The following CAMK4 variants were observed in gnomAD, a reference collection of about 807,000 sequenced individuals.
The protein encoded by CAMK4 is calcium/calmodulin-dependent protein kinase type IV.
CAMK4 carries 22 observed loss-of-function variants against 44.9 expected under a neutral mutation model. That is an observed-to-expected ratio of 0.49 (90% CI 0.35 to 0.70). The LOEUF is 0.70. Ranked by LOEUF, CAMK4 falls within the 30% of genes least tolerant of loss-of-function variation. The pLI is 0.01. For missense variants in CAMK4, 498 were observed against 586.8 expected (o/e 0.85, Z 1.56); for synonymous variants, 218 against 215.4 (o/e 1.01, Z -0.11).
chr5:111,435,049 TAGAG>T (rs1319545211), intron 5 of CAMK4, among the ~76,000 whole-genome samples: 1 of 152,180 alleles, frequency 6.6e-6, no homozygotes, highest in South Asian at 2.1e-4. Flanking sequence ...TGTTAGACCG[TAGAG>T]AGAGTTTAAT....
intron 5 of CAMK4, among the ~76,000 whole-genome samples, chr5:111,430,823 G>T (rs999111935): frequency 1.3e-5 from 2 of 151,948 alleles, no homozygotes; most frequent in Non-Finnish European, 2.9e-5. Context: ...AAATGGAAAA[G>T]TATTTCAAGT....
At chr5:111,344,654 C>T (rs1382696794) in intron 2 of CAMK4, among the ~76,000 whole-genome samples, 3 of 151,640 alleles carry the variant, frequency 2.0e-5, no homozygotes, top group South Asian at 2.1e-4. Context: ...TGAACCTGCT[C>T]ATCTAGAAGT....
At position 111,351,644 on chromosome 5, in the gene CAMK4, T is replaced by C. The variant is rs1372753397; in HGVS notation, c.240+7542T>C. On this transcript the variant is annotated intron_variant, in intron 2 of 10. Transcript: ENST00000282356. ...CCAGACTGGTCTCGAACTCCTGACC[T>C]CAGGTGATCCACCTGCCTCGGCCTC... 2.6e-5 allele frequency among the ~76,000 whole-genome samples: 4 copies of C among 151,320 alleles called. No homozygotes were observed. In the East Asian group the frequency reaches 7.8e-4, roughly 30 times the overall value.
intron 1 of CAMK4, among the ~76,000 whole-genome samples, chr5:111,335,881 C>T (rs565131358): frequency 3.3e-5 from 5 of 150,946 alleles, no homozygotes; most frequent in African/African-American, 1.2e-4. Context: ...TTTACAAACA[C>T]ATTACAGGTT....
At chr5:111,478,729 A>G (rs1224444163) in intron 9 of CAMK4, among the ~76,000 whole-genome samples, 1 of 152,212 alleles carries the variant, frequency 6.6e-6, no homozygotes, top group Non-Finnish European at 1.5e-5. Flanking sequence ...AACTACAATT[A>G]CTACAGTATT....
Position 111,300,768 on chromosome 5 carries a change from G to A in CAMK4, c.162-43256G>A, listed in dbSNP as rs574257519. On this transcript the variant is annotated intron_variant, in intron 1 of 10. Transcript: ENST00000282356. Reference sequence around the variant, plus strand: ...AAAAAGTATGGAATTGTAATTGTTGGAATTAAAAGCAAATGAAGTTATTTT... The same window carrying A: ...AAAAAGTATGGAATTGTAATTGTTGAAATTAAAAGCAAATGAAGTTATTTT... 1.3e-3 allele frequency among the ~76,000 whole-genome samples: 197 copies of A among 152,146 alleles called. 2 individuals carry two copies. Among genetic ancestry groups the A allele is most frequent in the Middle Eastern group, 3.4e-3 (1 of 294 alleles).
At chr5:111,446,436 T>C (rs1754030266) in intron 5 of CAMK4, among the ~76,000 whole-genome samples, 1 of 152,236 alleles carries the variant, frequency 6.6e-6, no homozygotes, top group Non-Finnish European at 1.5e-5. Context: ...TAATATTAGC[T>C]GAGGAGTAAA....
chr5:111,466,247 C>T (rs955711194), intron 7 of CAMK4, among the ~76,000 whole-genome samples: 10 of 152,006 alleles, frequency 6.6e-5, no homozygotes, highest in Middle Eastern at 3.2e-3. Flanking sequence ...AACATAATAC[C>T]GAATGGGGAA....
At chr5:111,277,513 T>C (rs1371351670) in intron 1 of CAMK4, 1 of 152,202 alleles carries the variant, frequency 6.6e-6, no homozygotes. Context: ...TACCTCTTTT[T>C]CAAAGTTCCC....
chr5:111,441,908 C>T (rs1321388799), intron 5 of CAMK4, among the ~76,000 whole-genome samples: 1 of 152,178 alleles, frequency 6.6e-6, no homozygotes, highest in African/African-American at 2.4e-5. Context: ...CATGACCACA[C>T]AATCTTTAGC....
intron 5 of CAMK4, chr5:111,416,475 G>A (rs576265652): frequency 2.0e-5 from 3 of 152,184 alleles, no homozygotes; most frequent in African/African-American, 4.8e-5. Context: ...TGAGTAAAAT[G>A]TATGAATAAG....
At chr5:111,355,552 G>A (rs1750306207) in intron 2 of CAMK4, among the ~76,000 whole-genome samples, 1 of 147,376 alleles carries the variant, frequency 6.8e-6, no homozygotes, top group African/African-American at 2.5e-5. Flanking sequence ...TGCACAATGT[G>A]CAGGTTAGTT....
chr5:111,414,817 G>A (rs1423716318), intron 5 of CAMK4, among the ~76,000 whole-genome samples: 1 of 152,078 alleles, frequency 6.6e-6, no homozygotes, highest in Non-Finnish European at 1.5e-5. Context: ...ATCCAAAAAT[G>A]AATGAGACCT....
At chr5:111,477,997 C>A (rs1023330177) in intron 8 of CAMK4, among the ~76,000 whole-genome samples, 8 of 152,064 alleles carry the variant, frequency 5.3e-5, no homozygotes, top group Non-Finnish European at 1.2e-4. Context: ...GTCTGCCTGT[C>A]TGTCTGTCTT....
intron 1 of CAMK4, among the ~76,000 whole-genome samples, chr5:111,263,939 A>G (rs1316510377): frequency 6.6e-6 from 1 of 152,188 alleles, no homozygotes; most frequent in Non-Finnish European, 1.5e-5. Context: ...ATAGAAAAAA[A>G]AAGCCACCTC....
At position 111,487,718 on chromosome 5, in the gene CAMK4, C is replaced by A. The variant is rs1755683280; in HGVS notation, c.*3252C>A. 6.6e-6 allele frequency: 1 copy of A among 152,098 alleles called. No homozygotes were observed. Among genetic ancestry groups the A allele is most frequent in the African/African-American group, 2.4e-5 (1 of 41,408 alleles). The allele number at this position is 152,098 out of a possible 1,614,324, so 9.4% of individuals were successfully genotyped here. Reference sequence around the variant, plus strand: ...TTTGGGACATCAAGTGCTCAATAGTCACATGTGGCTAGTGGCTACCATATT... The same window carrying A: ...TTTGGGACATCAAGTGCTCAATAGTAACATGTGGCTAGTGGCTACCATATT... On this transcript the variant is annotated 3_prime_UTR_variant, in exon 11 of 11. Coordinates refer to ENST00000282356, the MANE Select transcript of CAMK4 (RefSeq NM_001744.6).
At chr5:111,373,461 T>C (rs1751089159) in intron 2 of CAMK4, among the ~76,000 whole-genome samples, 1 of 152,064 alleles carries the variant, frequency 6.6e-6, no homozygotes, top group Non-Finnish European at 1.5e-5. Flanking sequence ...AAAAAGAACA[T>C]ATAAAGTTGG....
chr5:111,343,037 C>T (rs1315084315), intron 1 of CAMK4, among the ~76,000 whole-genome samples: 1 of 151,152 alleles, frequency 6.6e-6, no homozygotes, highest in African/African-American at 2.4e-5. Context: ...TTTATATTAC[C>T]TTCATTTATT....
chr5:111,401,865 G>C (rs1752240916), intron 5 of CAMK4, among the ~76,000 whole-genome samples: 1 of 152,156 alleles, frequency 6.6e-6, no homozygotes, highest in African/African-American at 2.4e-5. Context: ...TGTGAAGAGG[G>C]CTCCCTGTTT....
Sources: gnomAD v4.1 joint callset for allele counts (sites outside exome capture counted in the v4.1 genomes callset) on GRCh38, gnomAD v4.1.1 for gene constraint, MANE v1.5 for transcripts, NCBI Gene and HGNC (gene_info 2026-07-23, HGNC 2026-07-21) for gene names.